Variants in SEMA5A observed in about 807,000 individuals in gnomAD.
SEMA5A encodes semaphorin 5A, also known as semaphorin-5A.
In SEMA5A, 55 loss-of-function variants were observed where a neutral mutation model predicts 135.5. The ratio of observed to expected loss-of-function variants is 0.41; its 90% CI spans 0.33 to 0.51. The LOEUF (loss-of-function observed/expected upper bound fraction) is 0.51, where lower values mean the gene tolerates loss of function less well. Among genes scored for constraint, SEMA5A ranks in the 20% least tolerant of loss-of-function variants. The pLI, the probability that SEMA5A is intolerant of heterozygous loss-of-function variation, is 0.37. For synonymous variants in SEMA5A, 580 were observed against 546.5 expected, an observed-to-expected ratio of 1.06 and a Z score of -0.85; for missense variants, 1,290 against 1,419.9, an observed-to-expected ratio of 0.91 and a Z score of 1.47.
At chr5:9,450,191 C>T (rs1457327655) in intron 1 of SEMA5A, among the ~76,000 whole-genome samples, 1 of 152,208 alleles carries the variant, frequency 6.6e-6, no homozygotes, top group Non-Finnish European at 1.5e-5. Flanking sequence ...GCCTCAGAGA[C>T]ATTTCCAGAG....
chr5:9,049,282 C>T (rs995660050), intron 21 of SEMA5A, among the ~76,000 whole-genome samples: 2 of 152,158 alleles, frequency 1.3e-5, no homozygotes, highest in Non-Finnish European at 2.9e-5. Context: ...CTGCCTCAGC[C>T]TCTCCACTAG....
chr5:9,084,825 G>T (rs1738590147), intron 16 of SEMA5A, among the ~76,000 whole-genome samples: 2 of 152,188 alleles, frequency 1.3e-5, no homozygotes, highest in East Asian at 1.9e-4. Flanking sequence ...AGTTTGGAGG[G>T]CTCAGAAGAC....
At chr5:9,502,585 C>T (rs1412389444) in intron 1 of SEMA5A, among the ~76,000 whole-genome samples, 1 of 151,890 alleles carries the variant, frequency 6.6e-6, no homozygotes, top group African/African-American at 2.4e-5. Context: ...GCATGGGCTT[C>T]CTCAAGTGTC....
chr5:9,379,744 G>A, intron 3 of SEMA5A, 79 bp downstream of exon 3: 1 of 1,523,970 alleles, frequency 6.6e-7, no homozygotes, highest in Non-Finnish European at 8.9e-7. Context: ...CATTCGTGAT[G>A]CTCTATTATC....
At chr5:9,351,702 A>G (rs1265899235) in intron 3 of SEMA5A, among the ~76,000 whole-genome samples, 1 of 152,214 alleles carries the variant, frequency 6.6e-6, no homozygotes, top group Non-Finnish European at 1.5e-5. Flanking sequence ...GTCAGATCCC[A>G]CATCATGAGT....
chr5:9,348,309 C>A (rs17196593), intron 3 of SEMA5A, among the ~76,000 whole-genome samples: 23,591 of 152,184 alleles, frequency 0.16, 2,054 homozygotes, highest in Middle Eastern at 0.25. Flanking sequence ...CTAGATAACT[C>A]CTAGAAGAAG....
At position 9,202,012 on chromosome 5, in the gene SEMA5A, T is replaced by C. The variant is rs1745735941; in HGVS notation, c.875A>G (p.Gln292Arg). The C allele has an allele frequency of 1.9e-6, 3 of 1,614,204 alleles. No individual in the cohort carries two copies. The highest frequency in any genetic ancestry group is 2.5e-6 in the Non-Finnish European group (3 of 1,180,030). ...GEVPFYYNEL[Q>R]STFFLPELDL... is the part of the protein sequence containing the mutation. ...CAGCTCAGGCAGGAAGAAAGTACTC[T>C]GCAATTCGTTGTAGTAAAAGGGGAC... Residue 292 changes from glutamine (Q) to arginine (R), a missense_variant, in exon 9 of 23, where the codon CAG becomes CGG. Physicochemically the swap from Gln to Arg is conservative, Grantham distance 43. This residue lies in a region of SEMA5A where 1,029 missense variants were observed against 1,086.6 expected (regional missense o/e 0.95). Coordinates refer to ENST00000382496, the MANE Select transcript of SEMA5A (RefSeq NM_003966.3).
rs140529956 is a variant in SEMA5A, at chr5:9,122,833, C to G, written c.1604G>C (p.Arg535Thr). The change falls in exon 14 of 23, where the codon AGG becomes ACG. Residue 535 changes from arginine to threonine, a missense_variant. Transcript: ENST00000382496. ...WEQSISACPT[R>T]NLTVDGHFGV... is the part of the protein sequence containing the mutation. ...AAAGTGCCCATCCACGGTGAGATTC[C>G]TGGTCTAGGAAGCAAAACCAAGCAG... 4 of 1,596,732 alleles carry G rather than the reference C, an allele frequency of 2.5e-6. No individual in the cohort carries two copies. The African/African-American group carries it at 5.4e-5, about 21-fold the overall frequency.
chr5:9,153,903 A>C (rs1742774828), intron 12 of SEMA5A, among the ~76,000 whole-genome samples: 1 of 150,890 alleles, frequency 6.6e-6, no homozygotes. Context: ...AAAATTAGCC[A>C]GGCATGATGG....
At chr5:9,309,269 C>CA (rs1478496080) in intron 5 of SEMA5A, among the ~76,000 whole-genome samples, 1 of 151,848 alleles carries the variant, frequency 6.6e-6, no homozygotes, top group Non-Finnish European at 1.5e-5. Context: ...TGGTACGTAG[C>CA]AAAAAAATTA....
At chr5:9,525,198 A>G (rs978793468) in intron 1 of SEMA5A, among the ~76,000 whole-genome samples, 6 of 152,234 alleles carry the variant, frequency 3.9e-5, no homozygotes, top group Non-Finnish European at 4.4e-5. Flanking sequence ...CATAGTCTCA[A>G]TGGTTGTTTT....
intron 2 of SEMA5A, among the ~76,000 whole-genome samples, chr5:9,418,897 G>A (rs1001355903): frequency 3.3e-5 from 5 of 152,134 alleles, no homozygotes; most frequent in African/African-American, 4.8e-5. Context: ...ATTTTCTTCC[G>A]CTAGCTTTCA....
chr5:9,227,763 G>A (rs1023483961), intron 6 of SEMA5A, among the ~76,000 whole-genome samples: 8 of 152,106 alleles, frequency 5.3e-5, no homozygotes, highest in South Asian at 2.1e-4. Context: ...TGTTAGTCAG[G>A]ATGGTCTTGA....
At chr5:9,379,085 T>C (rs1755483441) in intron 3 of SEMA5A, among the ~76,000 whole-genome samples, 1 of 152,218 alleles carries the variant, frequency 6.6e-6, no homozygotes, top group Non-Finnish European at 1.5e-5. Flanking sequence ...CTCCTTAGAC[T>C]ATTCTTTCTA....
Position 9,334,849 on chromosome 5 carries a change from T to C in SEMA5A, c.224+2864A>G, listed in dbSNP as rs529222937. On this transcript the variant is annotated intron_variant, in intron 4 of 22. Coordinates refer to ENST00000382496, the MANE Select transcript of SEMA5A (RefSeq NM_003966.3). ...GGAATTCAAATTTAACTGGGCATCATGGATTTTTATTTGCTAAGTCTGGCA... is the reference window on the plus strand; with the variant it reads ...GGAATTCAAATTTAACTGGGCATCACGGATTTTTATTTGCTAAGTCTGGCA... Among the ~76,000 whole-genome samples the C allele has an allele frequency of 3.6e-4, 55 of 152,336 alleles. No homozygotes were observed. The South Asian group carries it at 0.011, about 30-fold the overall frequency.
At chr5:9,089,751 G>C (rs1357830188) in intron 16 of SEMA5A, among the ~76,000 whole-genome samples, 1 of 152,106 alleles carries the variant, frequency 6.6e-6, no homozygotes. Context: ...TCATCACTAA[G>C]TATGATAATG....
chr5:9,131,333 G>A (rs563545863), intron 13 of SEMA5A, among the ~76,000 whole-genome samples: 7 of 152,208 alleles, frequency 4.6e-5, no homozygotes, highest in Middle Eastern at 3.4e-3. Flanking sequence ...TCTCAGCTGG[G>A]CGCAGTGGCT....
chr5:9,058,653 T>C (rs1235632860), intron 18 of SEMA5A, among the ~76,000 whole-genome samples: 1 of 152,208 alleles, frequency 6.6e-6, no homozygotes, highest in African/African-American at 2.4e-5. Flanking sequence ...CAGTAACCAA[T>C]GTACAATTGC....
chr5:9,236,601 G>A (rs1416760228), intron 6 of SEMA5A, among the ~76,000 whole-genome samples: 1 of 152,206 alleles, frequency 6.6e-6, no homozygotes, highest in Non-Finnish European at 1.5e-5. Context: ...ATTTTGGGGA[G>A]CATTTGAGGA....
Sources: gnomAD v4.1 joint callset for allele counts (sites outside exome capture counted in the v4.1 genomes callset) on GRCh38, gnomAD v4.1.1 for gene constraint, gnomAD v4.1.1 regional missense constraint, MANE v1.5 for transcripts, NCBI Gene and HGNC (gene_info 2026-07-23, HGNC 2026-07-21) for gene names.